The following TP53BP1 variants were observed in gnomAD, a reference collection of about 807,000 sequenced individuals.
TP53BP1 encodes TP53-binding protein 1.
A neutral mutation model predicts 200.8 loss-of-function variants in TP53BP1; 61 were observed. The observed-to-expected ratio is 0.30, with a 90% CI of 0.25 to 0.38. TP53BP1 has a LOEUF of 0.38. TP53BP1 is among the 10% of genes least tolerant of loss of function. The probability of loss-of-function intolerance (pLI) is 1.00; values close to 1 mark genes in which losing one functional copy is unlikely to be tolerated. For synonymous variants in TP53BP1, 822 were observed against 844.3 expected (o/e 0.97, Z 0.46); for missense variants, 2,144 against 2,371.9 (o/e 0.90, Z 2.00).
intron 5 of TP53BP1, 126 bp from the exon 6 acceptor site, chr15:43,480,143 T>G: frequency 1.2e-6 from 1 of 831,302 alleles, no homozygotes; most frequent in Admixed American, 3.0e-5. Context: ...CCCCCCAAAT[T>G]TTTCAAAAAT....
intron 4 of TP53BP1, among the ~76,000 whole-genome samples, chr15:43,485,593 A>AAAAAAAAGTAC (rs2079036455): frequency 1.3e-5 from 2 of 150,036 alleles, no homozygotes; most frequent in Admixed American, 6.7e-5. Context: ...AAAAAAAGAA[A>AAAAAAAAGTAC]GTACTTTGGG....
intron 26 of TP53BP1, 139 bp from the exon 27 acceptor site, chr15:43,408,227 C>A: frequency 1.1e-6 from 1 of 912,350 alleles, no homozygotes. Context: ...CCTGTAATCC[C>A]AGCACTTTGG....
At chr15:43,453,585 T>C (rs1319108403) in intron 12 of TP53BP1, among the ~76,000 whole-genome samples, 2 of 151,750 alleles carry the variant, frequency 1.3e-5, no homozygotes. Flanking sequence ...ATAGGGACTT[T>C]TTTTTTTTTT....
intron 4 of TP53BP1, among the ~76,000 whole-genome samples, chr15:43,487,827 A>G (rs1034392627): frequency 2.0e-5 from 3 of 152,074 alleles, no homozygotes; most frequent in Admixed American, 6.6e-5. Context: ...ATAAATGCTT[A>G]TAACAGCTTC....
At chr15:43,484,983 C>A (rs549961413) in intron 4 of TP53BP1, among the ~76,000 whole-genome samples, 1 of 151,986 alleles carries the variant, frequency 6.6e-6, no homozygotes. Flanking sequence ...CTCCTGGGCT[C>A]AAGAGATCCT....
At chr15:43,444,535 G>C (rs1235625169) in intron 14 of TP53BP1, among the ~76,000 whole-genome samples, 1 of 152,170 alleles carries the variant, frequency 6.6e-6, no homozygotes, top group African/African-American at 2.4e-5. Context: ...TTTGGAACCA[G>C]ACTTCCTGGA....
chr15:43,447,600 T>A, intron 12 of TP53BP1, 115 bp from the exon 13 acceptor site: 4 of 1,053,592 alleles, frequency 3.8e-6, no homozygotes, highest in Non-Finnish European at 2.6e-6. Flanking sequence ...ATCACTCTTT[T>A]CCTTTGCTCC....
At position 43,403,858 on chromosome 15, in the gene TP53BP1, G is replaced by A. The variant is rs749488252; in HGVS notation, c.*3525C>T. The A allele has an allele frequency of 6.8e-6, 8 of 1,174,676 alleles. No homozygotes were observed. The highest frequency in any genetic ancestry group is 2.3e-5 in the East Asian group (1 of 42,838). The allele number at this position is 1,174,676 out of a possible 1,614,324, so 72.8% of individuals were successfully genotyped here. ...AAGGACAGAGGTGGTTTTGCCAATG[G>A]AGAATTCATGATCTTTCCTCTGAGT... On this transcript the variant is annotated 3_prime_UTR_variant, in exon 28 of 28. Coordinates refer to ENST00000382044, the MANE Select transcript of TP53BP1 (RefSeq NM_001141980.3).
At chr15:43,409,861 A>G (rs1030372071) in intron 24 of TP53BP1, 120 bp from the exon 25 acceptor site, 16 of 487,392 alleles carry the variant, frequency 3.3e-5, no homozygotes, top group Non-Finnish European at 4.3e-5. Context: ...GTGTGTCCCC[A>G]AAGACAGGCC....
At position 43,407,542 on chromosome 15, in the gene TP53BP1, C is replaced by T. The variant is rs763177764; in HGVS notation, c.5775G>A (p.Val1925=). The part of the protein sequence containing the change: ...KDIALGVFDV[V]VTDPSCPASV... ...AGGCTGGGCATGAGGGGTCCGTCACCACCACATCAAATACCCCTAAAGCAA... is the reference window on the plus strand; with the variant it reads ...AGGCTGGGCATGAGGGGTCCGTCACTACCACATCAAATACCCCTAAAGCAA... The change falls in exon 28 of 28, where the codon GTG becomes GTA. Residue 1925 remains valine (V), a synonymous_variant. Coordinates refer to ENST00000382044, the MANE Select transcript of TP53BP1 (RefSeq NM_001141980.3). 1.2e-6 allele frequency: 2 copies of T among 1,614,014 alleles called. No homozygotes were observed. Among genetic ancestry groups the T allele is most frequent in the South Asian group, 2.2e-5 (2 of 91,054 alleles).
Position 43,408,761 on chromosome 15 carries a change from C to T in TP53BP1, c.5600+136G>A, listed in dbSNP as rs1356029870. 11 of 822,326 alleles carry T rather than the reference C, an allele frequency of 1.3e-5. 1 individual carries two copies. The South Asian group carries it at 1.4e-4, about 10-fold the overall frequency. The allele number at this position is 822,326 out of a possible 1,614,324, so 50.9% of individuals were successfully genotyped here. On this transcript the variant is annotated intron_variant, in intron 26 of 27. Transcript: ENST00000382044. ...AATAAACTAGATAAACTCCTGAAGT[C>T]ATTTCAAACCCACTCAAATTTATCC...
intron 14 of TP53BP1, among the ~76,000 whole-genome samples, chr15:43,443,117 C>T (rs1389653934): frequency 6.6e-6 from 1 of 151,990 alleles, no homozygotes; most frequent in African/African-American, 2.4e-5. Flanking sequence ...TGAGCCACCA[C>T]ACCCGGCCAG....
At chr15:43,429,169 G>C (rs2045617565) in intron 17 of TP53BP1, among the ~76,000 whole-genome samples, 1 of 152,066 alleles carries the variant, frequency 6.6e-6, no homozygotes, top group African/African-American at 2.4e-5. Context: ...AGTCAGATCT[G>C]AATAATTTTT....
intron 18 of TP53BP1, among the ~76,000 whole-genome samples, chr15:43,426,950 G>A (rs768556496): frequency 9.3e-5 from 14 of 151,198 alleles, no homozygotes; most frequent in Non-Finnish European, 1.3e-4. Flanking sequence ...CCAGGAAGGC[G>A]GAGGTTGCAG....
chr15:43,410,093 C>CT (rs1167391809), intron 24 of TP53BP1, among the ~76,000 whole-genome samples: 1 of 152,184 alleles, frequency 6.6e-6, no homozygotes, highest in Non-Finnish European at 1.5e-5. Context: ...AGGAAGTTCC[C>CT]TTTGTGTCTA....
chr15:43,421,211 C>A, intron 19 of TP53BP1, 37 bp from the exon 20 acceptor site: 1 of 1,606,130 alleles, frequency 6.2e-7, no homozygotes, highest in Non-Finnish European at 8.5e-7. Flanking sequence ...ATAGCACCTG[C>A]TACTGAATCT....
chr15:43,479,247 C>T (rs190134969), intron 7 of TP53BP1, 150 bp downstream of exon 7: 1 of 735,510 alleles, frequency 1.4e-6, no homozygotes, highest in Admixed American at 3.1e-5. Flanking sequence ...CATAAATAAT[C>T]AACGTTTCCA....
At chr15:43,426,014 G>A (rs577963561) in intron 18 of TP53BP1, among the ~76,000 whole-genome samples, 3 of 149,078 alleles carry the variant, frequency 2.0e-5, no homozygotes, top group African/African-American at 7.5e-5. Flanking sequence ...GCAGTGAGCC[G>A]AGGTAGCGCC....
intron 4 of TP53BP1, among the ~76,000 whole-genome samples, chr15:43,491,240 C>T (rs2079118345): frequency 6.6e-6 from 1 of 151,968 alleles, no homozygotes; most frequent in South Asian, 2.1e-4. Context: ...ACCACCAGGC[C>T]CAGCTAATTT....
Sources: gnomAD v4.1 joint callset for allele counts (sites outside exome capture counted in the v4.1 genomes callset) on GRCh38, gnomAD v4.1.1 for gene constraint, MANE v1.5 for transcripts, NCBI Gene and HGNC (gene_info 2026-07-23, HGNC 2026-07-21) for gene names.